Variants in PARD3B observed in about 807,000 individuals in gnomAD.
The protein encoded by PARD3B is par-3 family cell polarity regulator beta, also known as partitioning defective 3 homolog B.
PARD3B carries 103 observed loss-of-function variants against 130.2 expected under a neutral mutation model. That is an observed-to-expected ratio of 0.79 (90% CI 0.67 to 0.93). The LOEUF (loss-of-function observed/expected upper bound fraction) is 0.93. Among genes scored for constraint, PARD3B ranks in the 40% least tolerant of loss-of-function variants. The probability of loss-of-function intolerance (pLI) is 0.00; values close to 1 mark genes in which losing one functional copy is unlikely to be tolerated. For missense variants in PARD3B, 1,609 were observed against 1,499.2 expected (o/e 1.07, Z -1.21); for synonymous variants, 583 against 553.2 (o/e 1.05, Z -0.76).
At chr2:204,902,503 G>C (rs536799858) in intron 2 of PARD3B, among the ~76,000 whole-genome samples, 63 of 151,936 alleles carry the variant, frequency 4.1e-4, no homozygotes, top group African/African-American at 1.4e-3. Context: ...CCCCGTCTCT[G>C]CTAAAAATAC....
chr2:205,266,211 A>G (rs1487178964), intron 16 of PARD3B, among the ~76,000 whole-genome samples: 2 of 152,154 alleles, frequency 1.3e-5, no homozygotes, highest in African/African-American at 4.8e-5. Context: ...TACCTCTAGA[A>G]TAAATTTTGA....
At chr2:205,037,527 A>G (rs955289133) in intron 3 of PARD3B, among the ~76,000 whole-genome samples, 2 of 148,252 alleles carry the variant, frequency 1.3e-5, no homozygotes, top group African/African-American at 4.9e-5. Flanking sequence ...TAAAATATGT[A>G]TATAGTGTAC....
intron 3 of PARD3B, among the ~76,000 whole-genome samples, chr2:205,007,127 A>G (rs1695330312): frequency 1.3e-5 from 2 of 151,914 alleles, no homozygotes; most frequent in Non-Finnish European, 2.9e-5. Flanking sequence ...GTGAAATCTG[A>G]TGGTTTTATA....
intron 1 of PARD3B, among the ~76,000 whole-genome samples, chr2:204,583,622 TAA>T (rs1183973275): frequency 0.024 from 1,665 of 70,718 alleles, 29 homozygotes; most frequent in African/African-American, 0.058. Flanking sequence ...ACTTAAAGTA[TAA>T]AAAAAAAAAA....
At chr2:205,503,613 T>C (rs10207871) in intron 21 of PARD3B, among the ~76,000 whole-genome samples, 68,452 of 151,124 alleles carry the variant, frequency 0.45, 17,063 homozygotes, top group Middle Eastern at 0.69. Context: ...GCATGATGCC[T>C]CCAGCTTTGT....
chr2:204,833,889 C>T (rs1396843480), intron 2 of PARD3B, among the ~76,000 whole-genome samples: 2 of 152,010 alleles, frequency 1.3e-5, no homozygotes, highest in African/African-American at 4.8e-5. Flanking sequence ...CCCACAAGCC[C>T]GGAGTGTCCC....
intron 18 of PARD3B, among the ~76,000 whole-genome samples, chr2:205,388,677 A>G (rs752307543): frequency 1.3e-5 from 2 of 152,128 alleles, no homozygotes; most frequent in Admixed American, 6.5e-5. Context: ...TTATAAAACT[A>G]TATTAAAATC....
chr2:205,266,158 C>T (rs986301858), intron 16 of PARD3B, among the ~76,000 whole-genome samples: 3 of 152,146 alleles, frequency 2.0e-5, no homozygotes, highest in African/African-American at 7.2e-5. Flanking sequence ...TTTAATGTCT[C>T]CCAGACCCAC....
chr2:204,624,607 T>C (rs2034422737), intron 1 of PARD3B, among the ~76,000 whole-genome samples: 2 of 152,162 alleles, frequency 1.3e-5, no homozygotes, highest in South Asian at 4.1e-4. Context: ...GGATATACTC[T>C]AGTTTGTTTA....
chr2:205,507,376 G>A (rs112409404), intron 21 of PARD3B, among the ~76,000 whole-genome samples: 4,942 of 151,586 alleles, frequency 0.033, 170 homozygotes, highest in South Asian at 0.14. Flanking sequence ...CACCACGCCC[G>A]GCTAATTTTT....
At chr2:205,509,706 A>G (rs985473404) in intron 21 of PARD3B, among the ~76,000 whole-genome samples, 1 of 152,242 alleles carries the variant, frequency 6.6e-6, no homozygotes, top group Non-Finnish European at 1.5e-5. Context: ...TGTTGCTACT[A>G]CACTAGCCTC....
chr2:205,185,899 T>C, intron 14 of PARD3B, 36 bp downstream of exon 14: 1 of 1,543,828 alleles, frequency 6.5e-7, no homozygotes, highest in African/African-American at 1.4e-5. Flanking sequence ...ATGCTCCTTG[T>C]TATTGTTTTT....
chr2:205,484,667 CAT>C (rs1384856597), intron 20 of PARD3B, among the ~76,000 whole-genome samples: 1 of 152,104 alleles, frequency 6.6e-6, no homozygotes, highest in East Asian at 1.9e-4. Flanking sequence ...AATCAGAAAG[CAT>C]AGTGTTGACG....
intron 2 of PARD3B, among the ~76,000 whole-genome samples, chr2:204,772,254 A>T (rs2041418340): frequency 6.6e-6 from 1 of 152,072 alleles, no homozygotes; most frequent in African/African-American, 2.4e-5. Flanking sequence ...AACATATGTT[A>T]TTTCCCTTCT....
chr2:205,494,105 G>A (rs2049837773), intron 20 of PARD3B, among the ~76,000 whole-genome samples: 1 of 152,000 alleles, frequency 6.6e-6, no homozygotes, highest in Non-Finnish European at 1.5e-5. Context: ...TGGACACCAG[G>A]CTGGTACCCA....
At chr2:205,555,678 A>G (rs1559212691) in intron 22 of PARD3B, among the ~76,000 whole-genome samples, 1 of 152,186 alleles carries the variant, frequency 6.6e-6, no homozygotes, top group Non-Finnish European at 1.5e-5. Flanking sequence ...TTCTGGCAAA[A>G]AGTTCACTCA....
intron 19 of PARD3B, among the ~76,000 whole-genome samples, chr2:205,430,854 C>T (rs1030588571): frequency 6.6e-6 from 1 of 152,122 alleles, no homozygotes; most frequent in Admixed American, 6.5e-5. Context: ...TCAAATAAAT[C>T]ATCTGGGGAA....
intron 3 of PARD3B, among the ~76,000 whole-genome samples, chr2:205,043,636 A>G (rs913805668): frequency 5.9e-5 from 9 of 152,090 alleles, no homozygotes; most frequent in Non-Finnish European, 1.3e-4. Context: ...GGAAGCCTCT[A>G]TGAAACTGGA....
intron 2 of PARD3B, among the ~76,000 whole-genome samples, chr2:204,862,948 C>T (rs771594157): frequency 9.9e-5 from 15 of 152,188 alleles, no homozygotes; most frequent in Non-Finnish European, 1.3e-4. Context: ...CTGAAGAAGC[C>T]ACAGGCTCCT....
Sources: allele counts gnomAD v4.1 joint callset (sites outside exome capture counted in the v4.1 genomes callset), GRCh38; gene constraint gnomAD v4.1.1; transcripts MANE v1.5; gene names NCBI Gene and HGNC (gene_info 2026-07-23, HGNC 2026-07-21).